Variants in STXBP5L observed in about 807,000 individuals in gnomAD.
The protein encoded by STXBP5L is syntaxin binding protein 5L.
Under a neutral mutation model 144.5 loss-of-function variants are expected in STXBP5L, and 65 were observed. The ratio of observed to expected loss-of-function variants is 0.45; its 90% CI spans 0.37 to 0.55. STXBP5L has a LOEUF of 0.55. Among genes scored for constraint, STXBP5L ranks in the 20% least tolerant of loss-of-function variants. The pLI is 0.00. For missense variants in STXBP5L, 1,298 were observed against 1,405.5 expected (o/e 0.92, Z 1.22); for synonymous variants, 505 against 469.6 (o/e 1.08, Z -0.97).
chr3:121,194,062 A>G (rs939115861), intron 9 of STXBP5L, among the ~76,000 whole-genome samples: 2 of 152,174 alleles, frequency 1.3e-5, no homozygotes, highest in African/African-American at 4.8e-5. Flanking sequence ...CAATTTACCC[A>G]TTTAAAGTAT....
chr3:120,914,845 G>A (rs757286663), intron 2 of STXBP5L, among the ~76,000 whole-genome samples: 6 of 152,170 alleles, frequency 3.9e-5, no homozygotes, highest in African/African-American at 9.6e-5. Flanking sequence ...GCTAACAAGC[G>A]TAATAACCAG....
chr3:121,399,432 C>T (rs1220547356), intron 22 of STXBP5L, among the ~76,000 whole-genome samples: 2 of 152,268 alleles, frequency 1.3e-5, no homozygotes, highest in African/African-American at 2.4e-5. Context: ...AAGACACACA[C>T]ACAGAAATAT....
chr3:121,272,318 A>G (rs564235757), intron 18 of STXBP5L, among the ~76,000 whole-genome samples: 42 of 152,300 alleles, frequency 2.8e-4, no homozygotes, highest in African/African-American at 9.6e-4. Flanking sequence ...TATTGGGCAC[A>G]TATGTATTCA....
At chr3:121,057,810 TAAA>T (rs1228284444) in intron 5 of STXBP5L, among the ~76,000 whole-genome samples, 1 of 151,992 alleles carries the variant, frequency 6.6e-6, no homozygotes, top group East Asian at 1.9e-4. Flanking sequence ...GGTATAATAA[TAAA>T]AATTTTTAAA....
At chr3:121,394,083 G>A (rs1048468536) in intron 22 of STXBP5L, among the ~76,000 whole-genome samples, 3 of 152,010 alleles carry the variant, frequency 2.0e-5, no homozygotes, top group Non-Finnish European at 2.9e-5. Context: ...TCATTTGTTT[G>A]TGTCATCTCA....
At position 121,047,750 on chromosome 3, in the gene STXBP5L, G is replaced by A. The variant is rs150465948; in HGVS notation, c.470+2215G>A. On this transcript the variant is annotated intron_variant, in intron 5 of 26. Coordinates refer to ENST00000471454, the MANE Select transcript of STXBP5L (RefSeq NM_001308330.2). ...TGAGCCTATGGGTGTCATTACATGT[G>A]AGATGGGTCTCTTGAAGACAGCATA... Among the ~76,000 whole-genome samples, 244 of 152,196 alleles carry A rather than the reference G, an allele frequency of 1.6e-3. 1 individual carries two copies. The highest frequency in any genetic ancestry group is 5.7e-3 in the African/African-American group (236 of 41,530).
chr3:121,365,718 C>A (rs2045846366), intron 20 of STXBP5L, among the ~76,000 whole-genome samples: 1 of 150,614 alleles, frequency 6.6e-6, no homozygotes, highest in Non-Finnish European at 1.5e-5. Flanking sequence ...TTCTGAAGAC[C>A]CAACTTTTGA....
chr3:121,304,681 A>G (rs529672220), intron 19 of STXBP5L, among the ~76,000 whole-genome samples: 2 of 152,230 alleles, frequency 1.3e-5, no homozygotes, highest in South Asian at 4.1e-4. Context: ...TACAAACACA[A>G]CATATCAAAA....
intron 9 of STXBP5L, among the ~76,000 whole-genome samples, chr3:121,181,054 T>A (rs1011591360): frequency 4.8e-5 from 7 of 147,336 alleles, no homozygotes; most frequent in Admixed American, 3.4e-4. Context: ...GGCCTGAGAT[T>A]GTGCCATTGC....
At chr3:121,351,304 G>T (rs1460532194) in intron 20 of STXBP5L, among the ~76,000 whole-genome samples, 1 of 152,108 alleles carries the variant, frequency 6.6e-6, no homozygotes, top group Non-Finnish European at 1.5e-5. Flanking sequence ...GTGGCTGCCT[G>T]ATTGTTCCTC....
intron 5 of STXBP5L, among the ~76,000 whole-genome samples, chr3:121,047,708 C>T (rs1177597354): frequency 1.3e-5 from 2 of 152,084 alleles, no homozygotes; most frequent in Non-Finnish European, 2.9e-5. Flanking sequence ...GGTAGATTTT[C>T]CTCTATCCCT....
At chr3:121,018,050 G>T (rs543699384) in intron 3 of STXBP5L, among the ~76,000 whole-genome samples, 4 of 152,268 alleles carry the variant, frequency 2.6e-5, no homozygotes, top group Admixed American at 2.6e-4. Flanking sequence ...CTGCACTCCA[G>T]CCTGGGTGAC....
chr3:121,278,767 A>G lies in STXBP5L; in HGVS notation c.1959-1038A>G, dbSNP rs965496319. On this transcript the variant is annotated intron_variant, in intron 18 of 26. Coordinates refer to ENST00000471454, the MANE Select transcript of STXBP5L (RefSeq NM_001308330.2). Reference sequence around the variant, plus strand: ...AGATTCATTAATTTTTCTCAAAGTCACATATCCTGTAAGTGATAGAGATGA... The same window carrying G: ...AGATTCATTAATTTTTCTCAAAGTCGCATATCCTGTAAGTGATAGAGATGA... Among the ~76,000 whole-genome samples the G allele has an allele frequency of 4.6e-5, 7 of 152,002 alleles. No homozygotes were observed. In the East Asian group the frequency reaches 9.7e-4, roughly 21 times the overall value.
intron 11 of STXBP5L, among the ~76,000 whole-genome samples, chr3:121,228,877 A>G (rs2049209781): frequency 2.0e-5 from 3 of 152,094 alleles, no homozygotes; most frequent in African/African-American, 4.8e-5. Flanking sequence ...ACTCCGTCTC[A>G]GAAAAGAAAA....
Position 121,173,470 on chromosome 3 carries a change from T to G in STXBP5L, c.877+15843T>G, listed in dbSNP as rs181101798. 4.5e-4 allele frequency among the ~76,000 whole-genome samples: 69 copies of G among 152,076 alleles called. No individual in the cohort carries two copies. The East Asian group carries it at 0.013, about 28-fold the overall frequency. On this transcript the variant is annotated intron_variant, in intron 9 of 26. Coordinates refer to ENST00000471454, the MANE Select transcript of STXBP5L (RefSeq NM_001308330.2). ...GGTTGTAGGGCAAACAACTATAGTT[T>G]ACTTTCGAACAACATGAGTGTGAGG... is the stretch of plus-strand genomic sequence containing the variant.
chr3:121,079,068 G>T (rs191107888), intron 5 of STXBP5L, among the ~76,000 whole-genome samples: 1 of 152,226 alleles, frequency 6.6e-6, no homozygotes, highest in African/African-American at 2.4e-5. Context: ...CAGAGGAGGC[G>T]CCCAGAGCGA....
chr3:121,400,140 G>A (rs748551263), intron 22 of STXBP5L, among the ~76,000 whole-genome samples: 8 of 152,190 alleles, frequency 5.3e-5, no homozygotes, highest in Non-Finnish European at 1.0e-4. Context: ...TTTGATGTAT[G>A]CTTTGTAAGT....
chr3:121,180,444 T>A (rs2047096246), intron 9 of STXBP5L, among the ~76,000 whole-genome samples: 1 of 152,194 alleles, frequency 6.6e-6, no homozygotes, highest in Admixed American at 6.5e-5. Context: ...GAGTTTTGAA[T>A]CTTGAAACAA....
At chr3:120,964,116 A>G (rs1939243135) in intron 3 of STXBP5L, among the ~76,000 whole-genome samples, 1 of 151,840 alleles carries the variant, frequency 6.6e-6, no homozygotes, top group African/African-American at 2.4e-5. Flanking sequence ...ATCGGTGGTG[A>G]TATTCTTTTT....
Sources: allele counts gnomAD v4.1 joint callset (sites outside exome capture counted in the v4.1 genomes callset), GRCh38; gene constraint gnomAD v4.1.1; transcripts MANE v1.5; gene names NCBI Gene and HGNC (gene_info 2026-07-23, HGNC 2026-07-21).